The following CADM1 variants were observed in gnomAD, a reference collection of about 807,000 sequenced individuals.
CADM1 encodes TSLC-1.
CADM1 carries 15 observed loss-of-function variants against 53.1 expected under a neutral mutation model. The ratio of observed to expected loss-of-function variants is 0.28; its 90% CI spans 0.19 to 0.44. The LOEUF (loss-of-function observed/expected upper bound fraction) is 0.44. Ranked by LOEUF, CADM1 falls within the 20% of genes least tolerant of loss-of-function variation. The pLI, the probability that CADM1 is intolerant of heterozygous loss-of-function variation, is 1.00. For missense variants in CADM1, 434 were observed against 611.3 expected (o/e 0.71, Z 3.06); for synonymous variants, 281 against 243.0 (o/e 1.16, Z -1.45).
intron 10 of CADM1, among the ~76,000 whole-genome samples, chr11:115,182,035 G>T (rs1025338625): frequency 5.3e-5 from 8 of 152,200 alleles, no homozygotes; most frequent in African/African-American, 1.9e-4. Flanking sequence ...AATTCCATGA[G>T]AAATGACTTC....
intron 10 of CADM1, among the ~76,000 whole-genome samples, chr11:115,189,328 A>G (rs1939730052): frequency 6.6e-6 from 1 of 152,054 alleles, no homozygotes; most frequent in Admixed American, 6.6e-5. Context: ...ACATTTTCCT[A>G]AAGAGGAGAA....
intron 1 of CADM1, among the ~76,000 whole-genome samples, chr11:115,488,864 G>A (rs1023575225): frequency 2.0e-5 from 3 of 152,126 alleles, no homozygotes; most frequent in Non-Finnish European, 4.4e-5. Context: ...GGTTTGATCC[G>A]ATTACTGTGA....
intron 1 of CADM1, among the ~76,000 whole-genome samples, chr11:115,371,979 C>T (rs942771730): frequency 6.6e-6 from 1 of 152,282 alleles, no homozygotes; most frequent in Non-Finnish European, 1.5e-5. Context: ...CATCTGATAT[C>T]ATCATACCTA....
At position 115,300,374 on chromosome 11, in the gene CADM1, C is replaced by G. The variant is rs1265383204; in HGVS notation, c.125-59954G>C. On this transcript the variant is annotated intron_variant, in intron 1 of 11. Transcript: ENST00000331581. ...TCACTTTAAAAACAGATCCCATCAT[C>G]TGTCTTTAGACAGGAGTGTGTTTAC... Among the ~76,000 whole-genome samples the G allele has an allele frequency of 2.0e-5, 3 of 152,236 alleles. No individual in the cohort carries two copies. In the East Asian group the frequency reaches 5.8e-4, roughly 29 times the overall value.
At chr11:115,294,856 G>C (rs1944006785) in intron 1 of CADM1, among the ~76,000 whole-genome samples, 1 of 152,060 alleles carries the variant, frequency 6.6e-6, no homozygotes, top group African/African-American at 2.4e-5. Flanking sequence ...CCAACATGGT[G>C]AAACTCCGTC....
intron 1 of CADM1, among the ~76,000 whole-genome samples, chr11:115,360,217 A>G (rs562323974): frequency 3.9e-4 from 59 of 152,384 alleles, no homozygotes; most frequent in Admixed American, 1.1e-3. Flanking sequence ...TACAGTAAGT[A>G]TAACTATAAT....
rs755568053 is a variant in CADM1, at chr11:115,433,552, G to A, written c.124+70719C>T. Among the ~76,000 whole-genome samples the A allele has an allele frequency of 6.6e-5, 10 of 152,268 alleles. No homozygotes were observed. The East Asian group carries it at 7.7e-4, about 12-fold the overall frequency. ...GTAACCCAAGCTGCTGGATGAAAAG[G>A]AGCCCAAGAAAGGAACAGAAGGAAG... On this transcript the variant is annotated intron_variant, in intron 1 of 11. Coordinates refer to ENST00000331581, the MANE Select transcript of CADM1 (RefSeq NM_001301043.2).
intron 1 of CADM1, among the ~76,000 whole-genome samples, chr11:115,287,682 A>C (rs551846092): frequency 6.6e-6 from 1 of 152,354 alleles, no homozygotes; most frequent in East Asian, 1.9e-4. Flanking sequence ...AATTGCCACA[A>C]AACACCAAGT....
At chr11:115,444,196 A>G (rs1948395074) in intron 1 of CADM1, among the ~76,000 whole-genome samples, 1 of 152,196 alleles carries the variant, frequency 6.6e-6, no homozygotes, top group Non-Finnish European at 1.5e-5. Flanking sequence ...ATTCATTTGG[A>G]AAAATGCATT....
At chr11:115,498,751 G>T (rs577760689) in intron 1 of CADM1, among the ~76,000 whole-genome samples, 1 of 152,056 alleles carries the variant, frequency 6.6e-6, no homozygotes, top group Non-Finnish European at 1.5e-5. Context: ...GCAAAAATTC[G>T]GTACATCCAG....
At chr11:115,283,576 G>T (rs2135085866) in intron 1 of CADM1, among the ~76,000 whole-genome samples, 1 of 152,248 alleles carries the variant, frequency 6.6e-6, no homozygotes, top group Middle Eastern at 3.4e-3. Flanking sequence ...ACCCTATAGG[G>T]TTTAAAAAGG....
At position 115,336,703 on chromosome 11, in the gene CADM1, TAG is replaced by T. The variant is rs537632258; in HGVS notation, c.125-96285_125-96284del. ...AATTTAATCCTTTTAAAAGGATTAC[TAG>T]ATTTCACAGCCAGAATTAGAAGCAC... is the stretch of plus-strand genomic sequence containing the variant. On this transcript the variant is annotated intron_variant, in intron 1 of 11. Coordinates refer to ENST00000331581, the MANE Select transcript of CADM1 (RefSeq NM_001301043.2). Among the ~76,000 whole-genome samples the T allele has an allele frequency of 2.0e-5, 3 of 152,320 alleles. No homozygotes were observed. In the South Asian group the frequency reaches 6.2e-4, roughly 32 times the overall value.
chr11:115,473,596 T>G (rs930934587), intron 1 of CADM1, among the ~76,000 whole-genome samples: 1 of 152,164 alleles, frequency 6.6e-6, no homozygotes, highest in Non-Finnish European at 1.5e-5. Flanking sequence ...GTAAGAATAG[T>G]CTTTTCAACA....
intron 1 of CADM1, among the ~76,000 whole-genome samples, chr11:115,501,149 T>C (rs1036632330): frequency 6.6e-6 from 1 of 152,202 alleles, no homozygotes; most frequent in African/African-American, 2.4e-5. Flanking sequence ...TGCAAGCTTG[T>C]CTCGTCACAC....
intron 1 of CADM1, among the ~76,000 whole-genome samples, chr11:115,315,518 A>T (rs1263332479): frequency 6.6e-6 from 1 of 152,200 alleles, no homozygotes; most frequent in Non-Finnish European, 1.5e-5. Context: ...ACAAACTCAG[A>T]AACTTTTTTT....
chr11:115,346,919 GAAT>G (rs1945593840), intron 1 of CADM1, among the ~76,000 whole-genome samples: 1 of 151,286 alleles, frequency 6.6e-6, no homozygotes, highest in Non-Finnish European at 1.5e-5. Context: ...ATTTAACAAA[GAAT>G]AATAATACCA....
At chr11:115,323,377 GA>G (rs1233107444) in intron 1 of CADM1, among the ~76,000 whole-genome samples, 2 of 152,146 alleles carry the variant, frequency 1.3e-5, no homozygotes, top group Non-Finnish European at 2.9e-5. Context: ...AGTTACTTTT[GA>G]TGTTTAAATA....
At chr11:115,393,481 G>T (rs559282940) in intron 1 of CADM1, among the ~76,000 whole-genome samples, 3 of 150,844 alleles carry the variant, frequency 2.0e-5, no homozygotes, top group East Asian at 1.9e-4. Context: ...ACTTTTCGGG[G>T]TTGTCATTAA....
At chr11:115,182,391 G>A (rs981864768) in intron 10 of CADM1, among the ~76,000 whole-genome samples, 3 of 152,084 alleles carry the variant, frequency 2.0e-5, no homozygotes, top group Admixed American at 1.3e-4. Context: ...TTCTTTTCTG[G>A]GACTAAGCCC....
Sources: gnomAD v4.1 joint callset for allele counts (sites outside exome capture counted in the v4.1 genomes callset) on GRCh38, gnomAD v4.1.1 for gene constraint, MANE v1.5 for transcripts, NCBI Gene and HGNC (gene_info 2026-07-23, HGNC 2026-07-21) for gene names.